The following SUPT20HL2 variants were observed in gnomAD, a reference collection of about 807,000 sequenced individuals.
SUPT20HL2 encodes the protein SUPT20H like 2, also known as transcription factor SPT20 homolog-like 2.
For missense variants in SUPT20HL2, 288 were observed against 127.4 expected, an observed-to-expected ratio of 2.26 and a Z score of -6.07; for synonymous variants, 125 against 51.6, an observed-to-expected ratio of 2.42 and a Z score of -6.10.
rs1157065397 is a variant in SUPT20HL2, at chrX:24,309,705, T to TAAAAAAAAAAAAAAAA, written c.*1156_*1157insTTTTTTTTTTTTTTTT. 5.5e-5 allele frequency among the ~76,000 whole-genome samples: 1 copy of TAAAAAAAAAAAAAAAA among 18,039 alleles called. No individual in the cohort carries two copies. The highest frequency in any genetic ancestry group is 2.0e-3 in the East Asian group (1 of 504). 15.7% of individuals were successfully genotyped at this position (18,039 alleles called of 115,157 possible). A position where few individuals can be genotyped will look rare whatever the true frequency, so the allele number is the denominator to read the frequency against. On this transcript the variant is annotated 3_prime_UTR_variant, in exon 1 of 1. Transcript: ENST00000486479. The stretch of plus-strand genomic sequence containing the variant: ...AAAAAAAAAAATTAAAAAAAAAAAT[T>TAAAAAAAAAAAAAAAA]AAAAAAAAAAAGAAAAAAATAATAA...
rs750225053 is a variant in SUPT20HL2, at chrX:24,313,889, G to A, written c.-574C>T. 1 of 366,769 alleles carries A rather than the reference G, an allele frequency of 2.7e-6. No individual in the cohort carries two copies. Among genetic ancestry groups the A allele is most frequent in the Non-Finnish European group, 5.3e-6 (1 of 190,095 alleles). The allele number at this position is 366,769 out of a possible 1,213,427, so 30.2% of individuals were successfully genotyped here. On this transcript the variant is annotated 5_prime_UTR_variant, in exon 1 of 1. Coordinates refer to ENST00000486479, the MANE Select transcript of SUPT20HL2 (RefSeq NM_001136233.3). ...CGTGGTCGGACTTCGCGTCTCTGCG[G>A]CCTGGAACGGAAGTGAGCGGGAGGG... is the stretch of plus-strand genomic sequence containing the variant.
rs769350918 is a variant in SUPT20HL2 at position 24,312,372 on chromosome X, T to C, written c.944A>G (p.Tyr315Cys). The change falls in exon 1 of 1, where the codon TAT becomes TGT. Residue 315 changes from tyrosine to cysteine, a missense_variant. Tyr to Cys is a radical substitution (Grantham distance 194, BLOSUM62 -2). Transcript: ENST00000486479. Reference sequence around the variant, plus strand: ...TGGGTCAGCAGCTGTGACGGACTGATACCCTTTAGCAAGTTTCTCCACATC... The same window carrying C: ...TGGGTCAGCAGCTGTGACGGACTGACACCCTTTAGCAAGTTTCTCCACATC... Reference protein sequence around the residue: ...EVDVEKLAKGYQSVTAADPQL... With the variant: ...EVDVEKLAKGCQSVTAADPQL... 3.4e-5 allele frequency: 13 copies of C among 385,638 alleles called. No individual in the cohort carries two copies. The highest frequency in any genetic ancestry group is 3.1e-4 in the African/African-American group (12 of 39,116). 31.8% of individuals were successfully genotyped at this position (385,638 alleles called of 1,213,427 possible). A position where few individuals can be genotyped will look rare whatever the true frequency, so the allele number is the denominator to read the frequency against.
rs1569195670 is a variant in SUPT20HL2 at position 24,309,721 on chromosome X, A to AAAG, written c.*1140_*1141insCTT. Among the ~76,000 whole-genome samples the AAAG allele has an allele frequency of 7.9e-3, 520 of 66,057 alleles. 21 individuals are homozygous for AAAG. The highest frequency in any genetic ancestry group is 0.045 in the African/African-American group (490 of 10,843). 57.4% of individuals were successfully genotyped at this position (66,057 alleles called of 115,157 possible). A position where few individuals can be genotyped will look rare whatever the true frequency, so the allele number is the denominator to read the frequency against. On this transcript the variant is annotated 3_prime_UTR_variant, in exon 1 of 1. Coordinates refer to ENST00000486479, the MANE Select transcript of SUPT20HL2 (RefSeq NM_001136233.3). ...AAAAAAAATTAAAAAAAAAAAGAAA[A>AAAG]AAATAATAAAAATAAAAAAAAAAAG...
Position 24,310,022 on chromosome X carries a change from G to A in SUPT20HL2, c.*840C>T, listed in dbSNP as rs1277920803. ...ATATATTGTGCATAAACCTATTAAT[G>A]TGAATACGATTACACTCTTTCTTCT... On this transcript the variant is annotated 3_prime_UTR_variant, in exon 1 of 1. Transcript: ENST00000486479. 9.0e-6 allele frequency among the ~76,000 whole-genome samples: 1 copy of A among 110,613 alleles called. No individual in the cohort carries two copies. The highest frequency in any genetic ancestry group is 3.3e-5 in the African/African-American group (1 of 30,351).
Position 24,309,746 on chromosome X carries a change from GAAAAAAAA to G in SUPT20HL2, c.*1108_*1115del. On this transcript the variant is annotated 3_prime_UTR_variant, in exon 1 of 1. Transcript: ENST00000486479. ...AAAATAATAAAAATAAAAAAAAAAA[GAAAAAAAA>G]AAAAAAAAAAAAAAACATCCAAAAA... Among the ~76,000 whole-genome samples the G allele has an allele frequency of 4.6e-5, 1 of 21,792 alleles. No individual in the cohort carries two copies. The highest frequency in any genetic ancestry group is 2.4e-4 in the African/African-American group (1 of 4,160). 18.9% of individuals were successfully genotyped at this position (21,792 alleles called of 115,157 possible). A position where few individuals can be genotyped will look rare whatever the true frequency, so the allele number is the denominator to read the frequency against.
rs764807140 is a variant in SUPT20HL2 at position 24,311,234 on chromosome X, T to C, written c.2082A>G (p.Leu694=). 2 of 385,624 alleles carry C rather than the reference T, an allele frequency of 5.2e-6. No homozygotes were observed. Among genetic ancestry groups the C allele is most frequent in the Non-Finnish European group, 1.0e-5 (2 of 192,381 alleles). The allele number at this position is 385,624 out of a possible 1,213,427, so 31.8% of individuals were successfully genotyped here. The change falls in exon 1 of 1, where the codon CTA becomes CTG. Residue 694 remains leucine (L), a synonymous_variant. Coordinates refer to ENST00000486479, the MANE Select transcript of SUPT20HL2 (RefSeq NM_001136233.3). ...AGGCCTGCCCTTGCGTGCTCAAACC[T>C]AGTGTGGAACCCTGTGGCCCTGGCT... ...PPQPGPQGST[L]GLSTQGQAFP...
In SUPT20HL2 at chrX:24,308,412, G is replaced by A. The variant is rs1210544663; in HGVS notation, c.*2450C>T. 1.8e-5 allele frequency: 6 copies of A among 325,828 alleles called. No individual in the cohort carries two copies. The highest frequency in any genetic ancestry group is 1.3e-4 in the African/African-American group (5 of 38,018). The allele number at this position is 325,828 out of a possible 1,213,427, so 26.9% of individuals were successfully genotyped here. A position where few individuals can be genotyped will look rare whatever the true frequency, so the allele number is the denominator to read the frequency against. Reference sequence around the variant, plus strand: ...CATGCATAAACTCTTCTCTACAACTGGTCATTGCACTCGTTCGCCTCTTAA... The same window carrying A: ...CATGCATAAACTCTTCTCTACAACTAGTCATTGCACTCGTTCGCCTCTTAA... On this transcript the variant is annotated 3_prime_UTR_variant, in exon 1 of 1. Coordinates refer to ENST00000486479, the MANE Select transcript of SUPT20HL2 (RefSeq NM_001136233.3).
Position 24,311,767 on chromosome X carries a change from A to AAGCAGG in SUPT20HL2, c.1543_1548dup (p.Pro515_Ala516dup), listed in dbSNP as rs1555929522. The AAGCAGG allele has an allele frequency of 2.9e-5, 10 of 345,444 alleles. No individual in the cohort carries two copies. In the East Asian group the frequency reaches 5.5e-4, roughly 19 times the overall value. The allele number at this position is 345,444 out of a possible 1,213,427, so 28.5% of individuals were successfully genotyped here. On this transcript the variant is annotated inframe_insertion, in exon 1 of 1. Coordinates refer to ENST00000486479, the MANE Select transcript of SUPT20HL2 (RefSeq NM_001136233.3). Reference sequence around the variant, plus strand: ...GCCGCCGCCACAGCAGCAGCAGCTAAAGCAGGAGCAGCAGCAGGAGCAGGA... The same window carrying AAGCAGG: ...GCCGCCGCCACAGCAGCAGCAGCTAAAGCAGGAGCAGGAGCAGCAGCAGGAGCAGGA...
rs372896561 is a variant in SUPT20HL2, at chrX:24,313,077, T to C, written c.239A>G (p.Asn80Ser). 3.4e-4 allele frequency: 126 copies of C among 366,071 alleles called. No homozygotes were observed. Among genetic ancestry groups the C allele is most frequent in the South Asian group, 8.5e-4 (35 of 41,028 alleles). The allele number at this position is 366,071 out of a possible 1,213,427, so 30.2% of individuals were successfully genotyped here. A position where few individuals can be genotyped will look rare whatever the true frequency, so the allele number is the denominator to read the frequency against. Residue 80 changes from asparagine to serine, a missense_variant, in exon 1 of 1, where the codon AAT (asparagine) becomes AGT (serine). By Grantham distance (46) the Asn-to-Ser change is conservative (BLOSUM62 1). Transcript: ENST00000486479. Reference sequence around the variant, plus strand: ...ATACCCCTGATTGCCTGGGTATAGATTGACCAGTAAACATGGCAAGGACTC... The same window carrying C: ...ATACCCCTGATTGCCTGGGTATAGACTGACCAGTAAACATGGCAAGGACTC... ...RRESLPCLLV[N>S]LYPGNQGYSV... is the part of the protein sequence containing the mutation.
rs758422198 is a variant in SUPT20HL2 at position 24,310,458 on chromosome X, T to G, written c.*404A>C. On this transcript the variant is annotated 3_prime_UTR_variant, in exon 1 of 1. Coordinates refer to ENST00000486479, the MANE Select transcript of SUPT20HL2 (RefSeq NM_001136233.3). ...ATATGTTTTTATCACCATTAAAAAT[T>G]TTAAATTGCGCTCTTCTTGTTAAAA... 8.9e-6 allele frequency among the ~76,000 whole-genome samples: 1 copy of G among 112,278 alleles called. No individual in the cohort carries two copies. The highest frequency in any genetic ancestry group is 1.9e-5 in the Non-Finnish European group (1 of 53,268).
At position 24,309,706 on chromosome X, in the gene SUPT20HL2, A is replaced by T. The variant is rs777707965; in HGVS notation, c.*1156T>A. Among the ~76,000 whole-genome samples, 732 of 49,449 alleles carry T rather than the reference A, an allele frequency of 0.015. 38 individuals carry two copies. Among genetic ancestry groups the T allele is most frequent in the African/African-American group, 0.089 (688 of 7,762 alleles). The allele number at this position is 49,449 out of a possible 115,157, so 42.9% of individuals were successfully genotyped here. On this transcript the variant is annotated 3_prime_UTR_variant, in exon 1 of 1. Coordinates refer to ENST00000486479, the MANE Select transcript of SUPT20HL2 (RefSeq NM_001136233.3). The stretch of plus-strand genomic sequence containing the variant: ...AAAAAAAAAATTAAAAAAAAAAATT[A>T]AAAAAAAAAAGAAAAAAATAATAAA...
In SUPT20HL2 at chrX:24,310,856, C is replaced by G. The variant is rs1334895162; in HGVS notation, c.*6G>C. The G allele has an allele frequency of 8.0e-6, 3 of 373,244 alleles. No homozygotes were observed. Among genetic ancestry groups the G allele is most frequent in the African/African-American group, 2.6e-5 (1 of 39,136 alleles). The allele number at this position is 373,244 out of a possible 1,213,427, so 30.8% of individuals were successfully genotyped here. ...GCTTTTAAAAGAGAACAAACTACCACAAGCCTCAGGGAGCTGGAGGGGTTG... is the reference window on the plus strand; with the variant it reads ...GCTTTTAAAAGAGAACAAACTACCAGAAGCCTCAGGGAGCTGGAGGGGTTG... On this transcript the variant is annotated 3_prime_UTR_variant, in exon 1 of 1. Coordinates refer to ENST00000486479, the MANE Select transcript of SUPT20HL2 (RefSeq NM_001136233.3).
In SUPT20HL2 at chrX:24,310,868, A is replaced by G. The variant is rs367865263; in HGVS notation, c.2448T>C (p.Ala816=). Reference sequence around the variant, plus strand: ...GAACAAACTACCACAAGCCTCAGGGAGCTGGAGGGGTTGGCTTGCCTCCCT... The same window carrying G: ...GAACAAACTACCACAAGCCTCAGGGGGCTGGAGGGGTTGGCTTGCCTCCCT... ...QRKGGKPTPP[A]P is the part of the protein sequence containing the mutation. The change falls in exon 1 of 1, where the codon GCT becomes GCC. Residue 816 remains alanine, a synonymous_variant. Coordinates refer to ENST00000486479, the MANE Select transcript of SUPT20HL2 (RefSeq NM_001136233.3). The G allele has an allele frequency of 1.0e-5, 4 of 381,787 alleles. No homozygotes were observed. Among genetic ancestry groups the G allele is most frequent in the African/African-American group, 7.6e-5 (3 of 39,332 alleles). 31.5% of individuals were successfully genotyped at this position (381,787 alleles called of 1,213,427 possible). A position where few individuals can be genotyped will look rare whatever the true frequency, so the allele number is the denominator to read the frequency against.
At position 24,313,587 on chromosome X, in the gene SUPT20HL2, G is replaced by T. The variant is rs749662017; in HGVS notation, c.-272C>A. On this transcript the variant is annotated 5_prime_UTR_variant, in exon 1 of 1. Transcript: ENST00000486479. ...GGAACAGAAGTGAGCGGGAGGGCCG[G>T]GGTCAGCTTCTAGGCGCGTCTGGGC... Among the ~76,000 whole-genome samples the T allele has an allele frequency of 1.2e-3, 116 of 95,138 alleles. No homozygotes were observed. The highest frequency in any genetic ancestry group is 4.1e-3 in the South Asian group (8 of 1,972). The allele number at this position is 95,138 out of a possible 115,157, so 82.6% of individuals were successfully genotyped here.
chrX:24,312,452 A>G lies in SUPT20HL2; in HGVS notation c.864T>C (p.Ser288=), dbSNP rs759365427. The G allele has an allele frequency of 5.2e-6, 2 of 386,762 alleles. No individual in the cohort carries two copies. Among genetic ancestry groups the G allele is most frequent in the Non-Finnish European group, 1.0e-5 (2 of 192,583 alleles). 31.9% of individuals were successfully genotyped at this position (386,762 alleles called of 1,213,427 possible). Residue 288 remains serine (S), a synonymous_variant, in exon 1 of 1, where the codon AGT becomes AGC. Transcript: ENST00000486479. ...PCELNITKAG[S]CVDTWKGRPC... is the part of the protein sequence containing the mutation. ...GTCTGCCTTTCCACGTGTCTACACAACTTCCCGCTTTAGTAATGTTCAGCT... is the reference window on the plus strand; with the variant it reads ...GTCTGCCTTTCCACGTGTCTACACAGCTTCCCGCTTTAGTAATGTTCAGCT...
In SUPT20HL2 at chrX:24,310,098, G is replaced by C. The variant is rs1188129513; in HGVS notation, c.*764C>G. ...GTCACTTTCATATATATTATGTACA[G>C]TGAGACCATTTTTAAAAAGCAATGA... On this transcript the variant is annotated 3_prime_UTR_variant, in exon 1 of 1. Transcript: ENST00000486479. Among the ~76,000 whole-genome samples, 1 of 111,795 alleles carries C rather than the reference G, an allele frequency of 8.9e-6. No individual in the cohort carries two copies. The highest frequency in any genetic ancestry group is 2.8e-4 in the East Asian group (1 of 3,596).
Position 24,313,006 on chromosome X carries a change from G to A in SUPT20HL2, c.310C>T (p.Arg104Trp), listed in dbSNP as rs754981499. The part of the protein sequence containing the change: ...REDGSFAETI[R>W]LPYEERALLD... The stretch of plus-strand genomic sequence containing the variant: ...AATGCCCTTTCTTCATAAGGCAGCC[G>A]AATGGTCTCTGCAAAGGACCCATCT... The change falls in exon 1 of 1, where the codon CGG (arginine) becomes TGG (tryptophan). Residue 104 changes from arginine (R) to tryptophan (W), a missense_variant. Arg to Trp is a moderately radical substitution (Grantham distance 101). Transcript: ENST00000486479. The A allele has an allele frequency of 5.5e-6, 2 of 364,780 alleles. No individual in the cohort carries two copies. The highest frequency in any genetic ancestry group is 7.7e-5 in the East Asian group (1 of 12,930). The allele number at this position is 364,780 out of a possible 1,213,427, so 30.1% of individuals were successfully genotyped here.
In SUPT20HL2 at chrX:24,309,734, T is replaced by TAAAAAAAAAAAAAAAAAAAA. The variant is rs1429702092; in HGVS notation, c.*1127_*1128insTTTTTTTTTTTTTTTTTTTT. Among the ~76,000 whole-genome samples, 1 of 15,722 alleles carries TAAAAAAAAAAAAAAAAAAAA rather than the reference T, an allele frequency of 6.4e-5. No homozygotes were observed. 13.7% of individuals were successfully genotyped at this position (15,722 alleles called of 115,157 possible). Reference sequence around the variant, plus strand: ...AAAAAAAAGAAAAAAATAATAAAAATAAAAAAAAAAAGAAAAAAAAAAAAA... The same window carrying TAAAAAAAAAAAAAAAAAAAA: ...AAAAAAAAGAAAAAAATAATAAAAATAAAAAAAAAAAAAAAAAAAAAAAAAAAAAAAGAAAAAAAAAAAAA... On this transcript the variant is annotated 3_prime_UTR_variant, in exon 1 of 1. Coordinates refer to ENST00000486479, the MANE Select transcript of SUPT20HL2 (RefSeq NM_001136233.3).
rs1448792868 is a variant in SUPT20HL2, at chrX:24,308,895, C to G, written c.*1967G>C. On this transcript the variant is annotated 3_prime_UTR_variant, in exon 1 of 1. Transcript: ENST00000486479. Reference sequence around the variant, plus strand: ...CGAACCACAGAAAGGAATGAATTAGCAATACATTTTACGACATGGAAGAAC... The same window carrying G: ...CGAACCACAGAAAGGAATGAATTAGGAATACATTTTACGACATGGAAGAAC... Among the ~76,000 whole-genome samples the G allele has an allele frequency of 1.8e-5, 2 of 112,083 alleles. No homozygotes were observed. Among genetic ancestry groups the G allele is most frequent in the Non-Finnish European group, 3.8e-5 (2 of 53,248 alleles).
Sources: allele counts gnomAD v4.1 joint callset (sites outside exome capture counted in the v4.1 genomes callset), GRCh38; gene constraint gnomAD v4.1.1; transcripts MANE v1.5; gene names NCBI Gene and HGNC (gene_info 2026-07-23, HGNC 2026-07-21).